The following USP6NL variants were observed in gnomAD, a reference collection of about 807,000 sequenced individuals.
USP6NL encodes USP6 N-terminal like.
A neutral mutation model predicts 61.9 loss-of-function variants in USP6NL; 26 were observed. That is an observed-to-expected ratio of 0.42 (90% confidence interval 0.31 to 0.58). The LOEUF (loss-of-function observed/expected upper bound fraction) is 0.58. Among genes scored for constraint, USP6NL ranks in the 20% least tolerant of loss-of-function variants. The pLI, the probability that USP6NL is intolerant of heterozygous loss-of-function variation, is 0.16. For missense variants in USP6NL, 1,114 were observed against 1,034.3 expected (o/e 1.08, Z -1.06); for synonymous variants, 432 against 390.1 (o/e 1.11, Z -1.27).
At position 11,492,345 on chromosome 10, in the gene USP6NL, G is replaced by A. The variant is rs1002737721; in HGVS notation, c.494+774C>T. 7.9e-5 allele frequency among the ~76,000 whole-genome samples: 12 copies of A among 152,312 alleles called. No homozygotes were observed. The South Asian group carries it at 2.5e-3, about 32-fold the overall frequency. ...AAAACACTGATCTAGGTGTCACTGG[G>A]AACGTATTTTGTAGACTGATAAAAA... On this transcript the variant is annotated intron_variant, in intron 8 of 14. Coordinates refer to ENST00000609104, the MANE Select transcript of USP6NL (RefSeq NM_014688.5).
Position 11,558,619 on chromosome 10 carries a change from C to T in USP6NL, c.5-31052G>A, listed in dbSNP as rs117076859. On this transcript the variant is annotated intron_variant, in intron 2 of 14. Coordinates refer to ENST00000609104, the MANE Select transcript of USP6NL (RefSeq NM_014688.5). Reference sequence around the variant, plus strand: ...CCATGGAACCCATAATCAAACCACACTGGACTTTTTCCTCAAACACACTTG... The same window carrying T: ...CCATGGAACCCATAATCAAACCACATTGGACTTTTTCCTCAAACACACTTG... 2.2e-3 allele frequency among the ~76,000 whole-genome samples: 328 copies of T among 152,298 alleles called. 11 individuals carry two copies. The East Asian group carries it at 0.055, about 26-fold the overall frequency.
intron 2 of USP6NL, among the ~76,000 whole-genome samples, chr10:11,544,091 G>A (rs1444676261): frequency 2.0e-5 from 3 of 152,116 alleles, no homozygotes; most frequent in Non-Finnish European, 2.9e-5. Flanking sequence ...GATTACAGGC[G>A]TGAGCCACCA....
intron 1 of USP6NL, among the ~76,000 whole-genome samples, chr10:11,608,851 T>C (rs1051369711): frequency 3.9e-5 from 6 of 152,240 alleles, no homozygotes; most frequent in African/African-American, 7.2e-5. Flanking sequence ...GAAACTGGCA[T>C]AGACCAGTTG....
chr10:11,530,878 C>T (rs1303484380), intron 2 of USP6NL, among the ~76,000 whole-genome samples: 1 of 152,180 alleles, frequency 6.6e-6, no homozygotes, highest in Non-Finnish European at 1.5e-5. Context: ...TTAAGAATTA[C>T]ACTAGAATAC....
intron 7 of USP6NL, among the ~76,000 whole-genome samples, chr10:11,493,710 T>C (rs1000389215): frequency 1.6e-4 from 25 of 152,268 alleles, no homozygotes. Context: ...GATGTTCCAG[T>C]AGAGTAGGTG....
intron 1 of USP6NL, among the ~76,000 whole-genome samples, chr10:11,610,781 G>A (rs1336436952): frequency 6.6e-6 from 1 of 152,058 alleles, no homozygotes; most frequent in African/African-American, 2.4e-5. Context: ...TAAGGGTTGG[G>A]GGTGGGGAGA....
chr10:11,463,878 A>G lies in USP6NL; in HGVS notation c.1079-29T>C. 6.9e-7 allele frequency: 1 copy of G among 1,454,210 alleles called. No homozygotes were observed. Among genetic ancestry groups the G allele is most frequent in the Non-Finnish European group, 9.1e-7 (1 of 1,100,958 alleles). The allele number at this position is 1,454,210 out of a possible 1,614,324, so 90.1% of individuals were successfully genotyped here. Reference sequence around the variant, plus strand: ...AAAAGAAAGAGAAAGGCTAAGTAAGATAATACACGAGTAAACAGTAGCCAG... The same window carrying G: ...AAAAGAAAGAGAAAGGCTAAGTAAGGTAATACACGAGTAAACAGTAGCCAG... On this transcript the variant is annotated intron_variant, in intron 14 of 14. Coordinates refer to ENST00000609104, the MANE Select transcript of USP6NL (RefSeq NM_014688.5). This position sits in a 1 kb window ranked among gnomAD's most constrained non-coding sequence, Gnocchi z 6.3.
chr10:11,494,397 A>T (rs1833825465), intron 7 of USP6NL, among the ~76,000 whole-genome samples: 2 of 152,336 alleles, frequency 1.3e-5, no homozygotes, highest in African/African-American at 4.8e-5. Context: ...GACATCTTCA[A>T]CAATTCATTT....
At position 11,462,982 on chromosome 10, in the gene USP6NL, G is replaced by T. The variant is rs1163824825; in HGVS notation, c.1946C>A (p.Ala649Asp). ...HGNSPKHFPTANSSFASPQFS... is the reference protein window; with the variant it reads ...HGNSPKHFPTDNSSFASPQFS... Reference sequence around the variant, plus strand: ...CTGTGGAGAAGCAAAGCTGCTGTTGGCAGTAGGGAAGTGTTTGGGAGAGTT... The same window carrying T: ...CTGTGGAGAAGCAAAGCTGCTGTTGTCAGTAGGGAAGTGTTTGGGAGAGTT... Residue 649 changes from alanine to aspartate, a missense_variant, in exon 15 of 15, where the codon GCC becomes GAC. By Grantham distance (126) the Ala-to-Asp change is moderately radical. Transcript: ENST00000609104. 3.7e-6 allele frequency: 6 copies of T among 1,613,852 alleles called. No homozygotes were observed. The African/African-American group carries it at 8.0e-5, about 22-fold the overall frequency.
intron 2 of USP6NL, among the ~76,000 whole-genome samples, chr10:11,568,123 G>T (rs1299441456): frequency 1.3e-5 from 2 of 151,476 alleles, no homozygotes; most frequent in African/African-American, 2.4e-5. Flanking sequence ...GTTACCTGAT[G>T]TATCAATGTG....
intron 2 of USP6NL, chr10:11,563,801 G>A (rs560779454): frequency 2.6e-5 from 4 of 152,128 alleles, no homozygotes; most frequent in African/African-American, 9.6e-5. Flanking sequence ...AGAAGTGCAA[G>A]AGAGCCAGGG....
Position 11,597,730 on chromosome 10 carries a change from C to T in USP6NL, c.-83-13G>A. ...AGGAATACATGTCCTAGTCAGGAAACAAAGAGAAAGAAATAGTATTTTCTA... is the reference window on the plus strand; with the variant it reads ...AGGAATACATGTCCTAGTCAGGAAATAAAGAGAAAGAAATAGTATTTTCTA... On this transcript the variant is annotated splice_polypyrimidine_tract_variant and intron_variant, in intron 1 of 14. Transcript: ENST00000609104. The surrounding 1 kb of genome is among the most constrained non-coding windows in gnomAD (Gnocchi z 4.6). 1 of 944,194 alleles carries T rather than the reference C, an allele frequency of 1.1e-6. No homozygotes were observed. The highest frequency in any genetic ancestry group is 2.7e-5 in the East Asian group (1 of 37,322). The allele number at this position is 944,194 out of a possible 1,614,324, so 58.5% of individuals were successfully genotyped here.
Position 11,510,357 on chromosome 10 carries a change from GT to G in USP6NL, c.196-683del, listed in dbSNP as rs1324542812. Among the ~76,000 whole-genome samples the G allele has an allele frequency of 2.6e-5, 4 of 151,228 alleles. No individual in the cohort carries two copies. The highest frequency in any genetic ancestry group is 4.9e-5 in the African/African-American group (2 of 41,098). On this transcript the variant is annotated intron_variant, in intron 5 of 14. Transcript: ENST00000609104. The surrounding 1 kb of genome is among the most constrained non-coding windows in gnomAD (Gnocchi z 4.8). The stretch of plus-strand genomic sequence containing the variant: ...AGGAACAGAGAGATTATTAGGGTTT[GT>G]TTTTTTTTAATCAAATGCAATGTGG...
chr10:11,549,152 T>C (rs947432062), intron 2 of USP6NL, among the ~76,000 whole-genome samples: 1 of 152,116 alleles, frequency 6.6e-6, no homozygotes, highest in Non-Finnish European at 1.5e-5. Context: ...CCTAAAGACC[T>C]AAATTTAAAT....
chr10:11,495,650 C>T lies in USP6NL; in HGVS notation c.385-2422G>A. 6.6e-6 allele frequency among the ~76,000 whole-genome samples: 1 copy of T among 152,006 alleles called. No individual in the cohort carries two copies. The highest frequency in any genetic ancestry group is 1.5e-5 in the Non-Finnish European group (1 of 67,992). On this transcript the variant is annotated intron_variant, in intron 7 of 14. Coordinates refer to ENST00000609104, the MANE Select transcript of USP6NL (RefSeq NM_014688.5). The surrounding 1 kb of genome is among the most constrained non-coding windows in gnomAD (Gnocchi z 4.6). The stretch of plus-strand genomic sequence containing the variant: ...ATAAGCTCTGTTGTTTTTGAGTGTT[C>T]CTTTTTATAGCATTCTATACTTGTT...
chr10:11,471,428 AG>A (rs1832745515), intron 14 of USP6NL, among the ~76,000 whole-genome samples: 1 of 152,192 alleles, frequency 6.6e-6, no homozygotes, highest in Non-Finnish European at 1.5e-5. Flanking sequence ...CGATTCCTCA[AG>A]GATCTAGAAT....
At chr10:11,504,258 A>C (rs1834340351) in intron 6 of USP6NL, among the ~76,000 whole-genome samples, 1 of 152,232 alleles carries the variant, frequency 6.6e-6, no homozygotes, top group Admixed American at 6.5e-5. Flanking sequence ...CTATCATAGA[A>C]GTTTTACAAA....
chr10:11,565,735 A>T (rs1591934844), intron 2 of USP6NL: 1 of 152,318 alleles, frequency 6.6e-6, no homozygotes, highest in Admixed American at 6.5e-5. Flanking sequence ...CAGTGATCAC[A>T]GCTACTATCC....
rs2133376157 is a variant in USP6NL at position 11,518,609 on chromosome 10, G to A, written c.156-35C>T. The A allele has an allele frequency of 1.3e-6, 2 of 1,571,210 alleles. No homozygotes were observed. Among genetic ancestry groups the A allele is most frequent in the East Asian group, 2.2e-5 (1 of 44,526 alleles). On this transcript the variant is annotated intron_variant, in intron 4 of 14. Transcript: ENST00000609104. This position sits in a 1 kb window ranked among gnomAD's most constrained non-coding sequence, Gnocchi z 5.3. ...AAAAACAGTATTATATGAAATTGTTGAAATCAAAACAAACTTTTAAAAGCT... is the reference window on the plus strand; with the variant it reads ...AAAAACAGTATTATATGAAATTGTTAAAATCAAAACAAACTTTTAAAAGCT...
Sources: gnomAD v4.1 joint callset for allele counts (sites outside exome capture counted in the v4.1 genomes callset) on GRCh38, gnomAD v4.1.1 for gene constraint, Gnocchi (gnomAD v3.1) non-coding constraint, MANE v1.5 for transcripts, NCBI Gene and HGNC (gene_info 2026-07-23, HGNC 2026-07-21) for gene names.